Variants in UGGT2 observed in about 807,000 individuals in gnomAD.
UGGT2 encodes UDP-glucose:glycoprotein glucosyltransferase 2.
In UGGT2, 180 loss-of-function variants were observed where a neutral mutation model predicts 192.1. The ratio of observed to expected loss-of-function variants is 0.94; its 90% CI spans 0.83 to 1.06. UGGT2 has a LOEUF of 1.06. UGGT2 is among the 50% of genes least tolerant of loss of function. UGGT2 has a pLI of 0.00. For missense variants in UGGT2, 1,849 were observed against 1,795.7 expected (o/e 1.03, Z -0.54); for synonymous variants, 580 against 591.0 (o/e 0.98, Z 0.27).
intron 12 of UGGT2, among the ~76,000 whole-genome samples, chr13:95,950,336 T>C (rs2050017827): frequency 2.6e-5 from 4 of 152,084 alleles, no homozygotes; most frequent in Admixed American, 1.3e-4. Flanking sequence ...AAAGTCCAAG[T>C]ACTATATAGT....
intron 5 of UGGT2, among the ~76,000 whole-genome samples, chr13:96,006,565 A>G (rs920878527): frequency 7.1e-5 from 10 of 141,062 alleles, no homozygotes; most frequent in Non-Finnish European, 1.5e-4. Context: ...CGGAGGCTGC[A>G]GTGAGCTGAG....
intron 26 of UGGT2, chr13:95,887,344 G>A (rs2047674633): frequency 2.0e-6 from 1 of 509,032 alleles, no homozygotes; most frequent in Non-Finnish European, 3.9e-6. Flanking sequence ...CATAATGAAT[G>A]ACAGTGATTC....
chr13:95,854,214 T>G, intron 35 of UGGT2, 101 bp downstream of exon 35: 1 of 1,338,406 alleles, frequency 7.5e-7, no homozygotes, highest in Non-Finnish European at 1.0e-6. Flanking sequence ...TTGCTTTTAT[T>G]GTGTAATTTT....
At chr13:95,972,735 AC>A in intron 10 of UGGT2, 64 bp from the exon 11 acceptor site, 1 of 1,214,908 alleles carries the variant, frequency 8.2e-7, no homozygotes, top group Non-Finnish European at 1.2e-6. Flanking sequence ...ATTAGGGGTC[AC>A]CATATTATTT....
rs529513733 is a variant in UGGT2, at chr13:95,968,014, A to C, written c.1335+2098T>G. 8.5e-5 allele frequency among the ~76,000 whole-genome samples: 13 copies of C among 152,236 alleles called. No individual in the cohort carries two copies. In the South Asian group the frequency reaches 2.1e-3, roughly 24 times the overall value. On this transcript the variant is annotated intron_variant, in intron 12 of 38. Transcript: ENST00000376747. Reference sequence around the variant, plus strand: ...ATTATAGCTTTCTTTGAGGAGTTTCAGTTATACAATCTTGTCACACAACAC... The same window carrying C: ...ATTATAGCTTTCTTTGAGGAGTTTCCGTTATACAATCTTGTCACACAACAC...
intron 5 of UGGT2, among the ~76,000 whole-genome samples, chr13:96,011,918 C>T (rs117347401): frequency 4.6e-5 from 7 of 152,100 alleles, no homozygotes; most frequent in Non-Finnish European, 1.5e-5. Context: ...AATTCATTCC[C>T]GTATGAAATC....
chr13:96,039,201 G>C lies in UGGT2; in HGVS notation c.159-7230C>G, dbSNP rs140877104. 1.8e-4 allele frequency among the ~76,000 whole-genome samples: 28 copies of C among 151,454 alleles called. 1 individual carries two copies. Among genetic ancestry groups the C allele is most frequent in the African/African-American group, 6.8e-4 (28 of 41,224 alleles). ...CTTGCAGAGTTATTCTTTCTTTCTT[G>C]AAAGGGCAGCACAATGTTTACAGCC... On this transcript the variant is annotated intron_variant, in intron 1 of 38. Coordinates refer to ENST00000376747, the MANE Select transcript of UGGT2 (RefSeq NM_020121.4).
intron 33 of UGGT2, among the ~76,000 whole-genome samples, chr13:95,858,881 T>A (rs1889883825): frequency 6.6e-6 from 1 of 152,144 alleles, no homozygotes; most frequent in South Asian, 2.1e-4. Flanking sequence ...CTAGAAATAT[T>A]AAGGAATAAA....
intron 5 of UGGT2, among the ~76,000 whole-genome samples, chr13:96,000,921 T>C (rs887694069): frequency 6.6e-6 from 1 of 152,238 alleles, no homozygotes; most frequent in Non-Finnish European, 1.5e-5. Flanking sequence ...GTTAAAAATG[T>C]AGCATAAATA....
In UGGT2 at chr13:95,928,335, A is replaced by G. The variant is rs1248915333; in HGVS notation, c.1978-999T>C. ...CCCCGACGGGACGGCTGGCCTGGCG[A>G]GGGCTGCCCCCCACCTCCCGGACAG... On this transcript the variant is annotated intron_variant, in intron 17 of 38. Coordinates refer to ENST00000376747, the MANE Select transcript of UGGT2 (RefSeq NM_020121.4). Among the ~76,000 whole-genome samples the G allele has an allele frequency of 2.9e-4, 43 of 149,494 alleles. 1 individual carries two copies. Among genetic ancestry groups the G allele is most frequent in the Middle Eastern group, 3.6e-3 (1 of 280 alleles).
intron 27 of UGGT2, among the ~76,000 whole-genome samples, chr13:95,881,310 CA>C (rs2140180931): frequency 6.6e-6 from 1 of 152,250 alleles, no homozygotes; most frequent in East Asian, 1.9e-4. Flanking sequence ...TTCTAAAGTA[CA>C]AGTCTTCTGA....
In UGGT2 at chr13:96,013,289, G is replaced by GA; in HGVS notation, c.660+17dup. The GA allele has an allele frequency of 6.5e-7, 1 of 1,532,208 alleles. No individual in the cohort carries two copies. Among genetic ancestry groups the GA allele is most frequent in the Non-Finnish European group, 8.7e-7 (1 of 1,151,756 alleles). 94.9% of individuals were successfully genotyped at this position (1,532,208 alleles called of 1,614,324 possible). On this transcript the variant is annotated intron_variant, in intron 5 of 38. Transcript: ENST00000376747. The stretch of plus-strand genomic sequence containing the variant: ...TTTTCTACAGCCAAAAGCAACCTTG[G>GA]AAAAAACAAGCGCATACCTGAATAT...
intron 1 of UGGT2, among the ~76,000 whole-genome samples, chr13:96,049,854 T>A (rs939943025): frequency 6.6e-6 from 1 of 152,158 alleles, no homozygotes; most frequent in African/African-American, 2.4e-5. Context: ...GGAAGAATAT[T>A]CCATGCTCAT....
At chr13:95,886,610 A>G (rs1351306760) in intron 26 of UGGT2, among the ~76,000 whole-genome samples, 1 of 152,260 alleles carries the variant, frequency 6.6e-6, no homozygotes, top group African/African-American at 2.4e-5. Context: ...AATACAAAAG[A>G]TAAATGAGAA....
At chr13:95,995,611 A>G (rs888503118) in intron 7 of UGGT2, among the ~76,000 whole-genome samples, 5 of 149,766 alleles carry the variant, frequency 3.3e-5, no homozygotes, top group African/African-American at 9.8e-5. Flanking sequence ...ACTGGTACAC[A>G]AAAAAAAAAT....
chr13:96,034,981 A>G (rs1594617609), intron 1 of UGGT2, among the ~76,000 whole-genome samples: 1 of 152,230 alleles, frequency 6.6e-6, no homozygotes, highest in African/African-American at 2.4e-5. Context: ...CAAAGGTGCT[A>G]CCAGCCATAG....
At position 95,881,913 on chromosome 13, in the gene UGGT2, CT is replaced by C. The variant is rs71113958; in HGVS notation, c.3228+2577del. Among the ~76,000 whole-genome samples the C allele has an allele frequency of 7.8e-3, 1,118 of 144,158 alleles. 11 individuals are homozygous for C. Among genetic ancestry groups the C allele is most frequent in the African/African-American group, 0.022 (872 of 39,262 alleles). 94.6% of individuals were successfully genotyped at this position (144,158 alleles called of 152,430 possible). ...GTAAAAGTAACTGTCTCACTTTTAG[CT>C]TTTTTTTTTTTTTAGACAGAATCTC... On this transcript the variant is annotated intron_variant, in intron 27 of 38. Transcript: ENST00000376747.
intron 17 of UGGT2, among the ~76,000 whole-genome samples, chr13:95,927,670 AT>A: frequency 6.6e-6 from 1 of 150,604 alleles, no homozygotes; most frequent in East Asian, 1.9e-4. Flanking sequence ...GTTTTTTTAA[AT>A]TTTTTTAGTA....
At chr13:95,923,998 T>C (rs868071032) in intron 20 of UGGT2, among the ~76,000 whole-genome samples, 3 of 152,196 alleles carry the variant, frequency 2.0e-5, no homozygotes, top group Non-Finnish European at 4.4e-5. Context: ...AAATGATGAT[T>C]TGATTAGACA....
Sources: gnomAD v4.1 joint callset for allele counts (sites outside exome capture counted in the v4.1 genomes callset) on GRCh38, gnomAD v4.1.1 for gene constraint, MANE v1.5 for transcripts, NCBI Gene and HGNC (gene_info 2026-07-23, HGNC 2026-07-21) for gene names.